VSTM2B: variants seen among roughly 807,000 people sequenced by gnomAD.
VSTM2B encodes the protein V-set and transmembrane domain-containing protein 2B.
In VSTM2B, 24 loss-of-function variants were observed where a neutral mutation model predicts 24.0. That is an observed-to-expected ratio of 1.00 (90% confidence interval 0.72 to 1.40). The LOEUF (loss-of-function observed/expected upper bound fraction) is 1.40, where lower values mean the gene tolerates loss of function less well. Among genes scored for constraint, VSTM2B ranks in the 40% most tolerant of loss-of-function variants. The pLI is 0.00. For synonymous variants in VSTM2B, 226 were observed against 194.4 expected, an observed-to-expected ratio of 1.16 and a Z score of -1.35; for missense variants, 399 against 416.4, an observed-to-expected ratio of 0.96 and a Z score of 0.36.
rs992356414 is a variant in VSTM2B at position 29,526,915 on chromosome 19, G to C, written c.82+250G>C. 11 of 480,158 alleles carry C rather than the reference G, an allele frequency of 2.3e-5. No homozygotes were observed. The highest frequency in any genetic ancestry group is 2.9e-5 in the Non-Finnish European group (8 of 276,152). The allele number at this position is 480,158 out of a possible 1,614,324, so 29.7% of individuals were successfully genotyped here. A position where few individuals can be genotyped will look rare whatever the true frequency, so the allele number is the denominator to read the frequency against. ...GAAAGGATGCCTGCGGGGAGCGGGA[G>C]TAGGCGCGCCCCAGCCAGGCTCTGG... On this transcript the variant is annotated intron_variant, in intron 1 of 4. Coordinates refer to ENST00000335523, the MANE Select transcript of VSTM2B (RefSeq NM_001146339.2). The surrounding 1 kb of genome is among the most constrained non-coding windows in gnomAD (Gnocchi z 4.1).
intron 2 of VSTM2B, 81 bp downstream of exon 2, chr19:29,527,476 C>T (rs539864989): frequency 1.3e-5 from 17 of 1,280,604 alleles, no homozygotes; most frequent in Non-Finnish European, 1.7e-5. Context: ...AGGGAAGCAG[C>T]GGGCTTCACT....
chr19:29,525,816 A>C (rs1969544039), upstream of VSTM2B: 3 of 150,870 alleles, frequency 2.0e-5, no homozygotes, highest in South Asian at 6.3e-4. Context: ...GCTGTACTCC[A>C]ACCAGAAAGA....
At chr19:29,542,067 G>A (rs565436289) in intron 4 of VSTM2B, among the ~76,000 whole-genome samples, 1 of 150,442 alleles carries the variant, frequency 6.6e-6, no homozygotes, top group South Asian at 2.1e-4. Flanking sequence ...TGGATGGGTA[G>A]AAGGATGATG....
intron 3 of VSTM2B, chr19:29,529,038 C>T (rs1015729547): frequency 1.0e-6 from 1 of 985,352 alleles, no homozygotes; most frequent in African/African-American, 1.7e-5. Context: ...CCAAGCTTCC[C>T]ACCTGGAGCG....
At chr19:29,540,070 A>C (rs1169874888) in intron 4 of VSTM2B, among the ~76,000 whole-genome samples, 2 of 152,246 alleles carry the variant, frequency 1.3e-5, no homozygotes, top group East Asian at 3.8e-4. Flanking sequence ...CCTTAGAGTG[A>C]CTTTTATTAC....
At chr19:29,544,118 T>C (rs1423360972) in intron 4 of VSTM2B, among the ~76,000 whole-genome samples, 2 of 149,128 alleles carry the variant, frequency 1.3e-5, no homozygotes, top group East Asian at 3.9e-4. Flanking sequence ...TATATACCTA[T>C]ATATATATAT....
chr19:29,545,084 C>T (rs1255573924), intron 4 of VSTM2B, among the ~76,000 whole-genome samples: 1 of 152,084 alleles, frequency 6.6e-6, no homozygotes, highest in Admixed American at 6.5e-5. Flanking sequence ...CAAAGGGAGC[C>T]TCCAGACTGG....
intron 4 of VSTM2B, among the ~76,000 whole-genome samples, chr19:29,551,888 C>T (rs114898189): frequency 1.1e-4 from 16 of 152,254 alleles, no homozygotes; most frequent in South Asian, 4.2e-4. Flanking sequence ...GATGTCTCCA[C>T]GCCATGTAAA....
intron 4 of VSTM2B, among the ~76,000 whole-genome samples, chr19:29,533,122 T>C (rs1395229538): frequency 6.6e-6 from 1 of 152,160 alleles, no homozygotes; most frequent in Non-Finnish European, 1.5e-5. Context: ...GGCCAGTCAG[T>C]GCCCTTCTTC....
chr19:29,539,231 T>A (rs1301146411), intron 4 of VSTM2B, among the ~76,000 whole-genome samples: 1 of 152,182 alleles, frequency 6.6e-6, no homozygotes, highest in Non-Finnish European at 1.5e-5. Flanking sequence ...CTGGCTGTGC[T>A]AACAGGGCTC....
chr19:29,555,810 G>T (rs1018261753), intron 4 of VSTM2B, among the ~76,000 whole-genome samples: 2 of 151,958 alleles, frequency 1.3e-5, no homozygotes, highest in African/African-American at 2.4e-5. Context: ...AACTCTATAA[G>T]AAACGAAAAA....
chr19:29,551,514 C>A (rs1970285734), intron 4 of VSTM2B, among the ~76,000 whole-genome samples: 1 of 152,114 alleles, frequency 6.6e-6, no homozygotes, highest in African/African-American at 2.4e-5. Context: ...GGGTCTCTTT[C>A]AAATGGCTCC....
Position 29,527,234 on chromosome 19 carries a change from G to A in VSTM2B, c.106G>A (p.Asp36Asn), listed in dbSNP as rs1257753562. Reference sequence around the variant, plus strand: ...AGCTGCATTCACAGAAGTCCCCAAAGATGTGACAGTACGGGAGGGAGACGA... The same window carrying A: ...AGCTGCATTCACAGAAGTCCCCAAAAATGTGACAGTACGGGAGGGAGACGA... Reference protein sequence around the residue: ...ADAAFTEVPKDVTVREGDDIE... With the variant: ...ADAAFTEVPKNVTVREGDDIE... The change falls in exon 2 of 5, where the codon GAT becomes AAT. Residue 36 changes from aspartate (D) to asparagine (N), a missense_variant. Physicochemically the swap from Asp to Asn is conservative, Grantham distance 23. Coordinates refer to ENST00000335523, the MANE Select transcript of VSTM2B (RefSeq NM_001146339.2). 1 of 1,549,554 alleles carries A rather than the reference G, an allele frequency of 6.5e-7. No individual in the cohort carries two copies. Among genetic ancestry groups the A allele is most frequent in the Non-Finnish European group, 8.7e-7 (1 of 1,146,458 alleles).
chr19:29,562,506 C>T (rs541855886), intron 4 of VSTM2B, among the ~76,000 whole-genome samples: 7 of 152,308 alleles, frequency 4.6e-5, no homozygotes, highest in East Asian at 3.9e-4. Context: ...CTCACAGGCA[C>T]GGGGCTGCAG....
At chr19:29,530,419 T>G in intron 4 of VSTM2B, 129 bp downstream of exon 4, 4 of 788,122 alleles carry the variant, frequency 5.1e-6, no homozygotes, top group Non-Finnish European at 7.3e-6. Context: ...TACTCCTTCC[T>G]AGTTAGGTCG....
chr19:29,537,608 A>C (rs1969919960), intron 4 of VSTM2B, among the ~76,000 whole-genome samples: 1 of 152,002 alleles, frequency 6.6e-6, no homozygotes, highest in Non-Finnish European at 1.5e-5. Flanking sequence ...TGGTTCTTGC[A>C]GTTCAAGAGG....
At chr19:29,542,202 G>A (rs187487597) in intron 4 of VSTM2B, among the ~76,000 whole-genome samples, 2 of 151,020 alleles carry the variant, frequency 1.3e-5, no homozygotes, top group Non-Finnish European at 3.0e-5. Context: ...ATAAGTAGAT[G>A]GGTAGATGGG....
upstream of VSTM2B, among the ~76,000 whole-genome samples, chr19:29,525,927 C>A (rs922315025): frequency 2.7e-5 from 4 of 150,852 alleles, no homozygotes; most frequent in Non-Finnish European, 4.4e-5. Context: ...GGCGATGCAG[C>A]GGTGGAGGCG....
At position 29,526,723 on chromosome 19, in the gene VSTM2B, C is replaced by T; in HGVS notation, c.82+58C>T. On this transcript the variant is annotated intron_variant, in intron 1 of 4. Coordinates refer to ENST00000335523, the MANE Select transcript of VSTM2B (RefSeq NM_001146339.2). This position sits in a 1 kb window ranked among gnomAD's most constrained non-coding sequence, Gnocchi z 4.1. ...TCGGGGGGGTCTTTGCTGGGGCCGCCACCGAGAAGAAGAAGAAAGAGAACG... is the reference window on the plus strand; with the variant it reads ...TCGGGGGGGTCTTTGCTGGGGCCGCTACCGAGAAGAAGAAGAAAGAGAACG... The T allele has an allele frequency of 7.0e-7, 1 of 1,428,808 alleles. No homozygotes were observed. Among genetic ancestry groups the T allele is most frequent in the Non-Finnish European group, 9.4e-7 (1 of 1,058,896 alleles). The allele number at this position is 1,428,808 out of a possible 1,614,324, so 88.5% of individuals were successfully genotyped here.
Sources: allele counts gnomAD v4.1 joint callset (sites outside exome capture counted in the v4.1 genomes callset), GRCh38; gene constraint gnomAD v4.1.1; non-coding constraint Gnocchi (gnomAD v3.1); transcripts MANE v1.5; gene names NCBI Gene and HGNC (gene_info 2026-07-23, HGNC 2026-07-21).